LRFN5: variants seen among roughly 807,000 people sequenced by gnomAD.
The protein encoded by LRFN5 is leucine rich repeat and fibronectin type III domain containing 5, also known as leucine-rich repeat and fibronectin type-III domain-containing protein 5.
In LRFN5, 24 loss-of-function variants were observed where a neutral mutation model predicts 45.6. That is an observed-to-expected ratio of 0.53 (90% CI 0.38 to 0.74). The LOEUF (loss-of-function observed/expected upper bound fraction) is 0.74, where lower values mean the gene tolerates loss of function less well. Ranked by LOEUF, LRFN5 falls within the 30% of genes least tolerant of loss-of-function variation. LRFN5 has a pLI of 0.00. For missense variants in LRFN5, 776 were observed against 861.5 expected (o/e 0.90, Z 1.24); for synonymous variants, 340 against 313.8 (o/e 1.08, Z -0.88).
chr14:41,844,888 T>C (rs1449823502), intron 2 of LRFN5, among the ~76,000 whole-genome samples: 1 of 152,172 alleles, frequency 6.6e-6, no homozygotes, highest in Non-Finnish European at 1.5e-5. Flanking sequence ...ATATATCAGA[T>C]ATAATTAATT....
chr14:41,795,213 A>C (rs1887075884), intron 2 of LRFN5, among the ~76,000 whole-genome samples: 1 of 152,138 alleles, frequency 6.6e-6, no homozygotes, highest in Admixed American at 6.6e-5. Flanking sequence ...AATGCAAATC[A>C]AAACCACAAT....
At chr14:41,865,416 G>T (rs35015374) in intron 2 of LRFN5, among the ~76,000 whole-genome samples, 37,526 of 151,984 alleles carry the variant, frequency 0.25, 4,977 homozygotes, top group South Asian at 0.37. Context: ...TATTTTTATT[G>T]CCAAATAATA....
chr14:41,750,315 A>G (rs967143266), intron 1 of LRFN5, among the ~76,000 whole-genome samples: 9 of 148,860 alleles, frequency 6.0e-5, no homozygotes, highest in Admixed American at 1.3e-4. Flanking sequence ...TTATATGTAT[A>G]TAAGATTTCA....
intron 2 of LRFN5, among the ~76,000 whole-genome samples, chr14:41,853,239 C>T (rs1341454073): frequency 1.3e-4 from 19 of 151,862 alleles, no homozygotes; most frequent in Non-Finnish European, 2.2e-4. Flanking sequence ...ATATTTTATT[C>T]ATTAATTTAT....
At chr14:41,816,640 G>A (rs992116718) in intron 2 of LRFN5, among the ~76,000 whole-genome samples, 2 of 151,934 alleles carry the variant, frequency 1.3e-5, no homozygotes, top group African/African-American at 4.8e-5. Flanking sequence ...GAAGCTAAAT[G>A]TAATTTCTTA....
intron 2 of LRFN5, among the ~76,000 whole-genome samples, chr14:41,830,690 C>T (rs951633876): frequency 6.6e-6 from 1 of 152,042 alleles, no homozygotes; most frequent in Non-Finnish European, 1.5e-5. Flanking sequence ...ACCTGAGCTG[C>T]AGGGAAGCTG....
intron 1 of LRFN5, among the ~76,000 whole-genome samples, chr14:41,685,345 C>T (rs968689795): frequency 6.6e-6 from 1 of 152,032 alleles, no homozygotes; most frequent in Non-Finnish European, 1.5e-5. Flanking sequence ...GATACCTGTA[C>T]CCCCATATTT....
intron 1 of LRFN5, among the ~76,000 whole-genome samples, chr14:41,740,066 A>G (rs1284834298): frequency 6.6e-6 from 1 of 152,110 alleles, no homozygotes; most frequent in Non-Finnish European, 1.5e-5. Flanking sequence ...ACTTTCAAAA[A>G]TAAAAATAAA....
intron 1 of LRFN5, among the ~76,000 whole-genome samples, chr14:41,690,422 G>A (rs1882327477): frequency 6.6e-6 from 1 of 152,038 alleles, no homozygotes; most frequent in Non-Finnish European, 1.5e-5. Context: ...GCATGGTGGT[G>A]TGCACCTGTA....
At chr14:41,762,599 T>C (rs1566658562) in intron 1 of LRFN5, among the ~76,000 whole-genome samples, 1 of 152,144 alleles carries the variant, frequency 6.6e-6, no homozygotes, top group Admixed American at 6.5e-5. Context: ...TTTAACAAAC[T>C]CATTAATATG....
chr14:41,788,417 C>T (rs1332732088), intron 2 of LRFN5, among the ~76,000 whole-genome samples: 1 of 152,022 alleles, frequency 6.6e-6, no homozygotes, highest in Admixed American at 6.6e-5. Context: ...TGGATATTTA[C>T]TCCCAATTGT....
At chr14:41,715,338 T>A (rs1246908573) in intron 1 of LRFN5, among the ~76,000 whole-genome samples, 2 of 152,196 alleles carry the variant, frequency 1.3e-5, no homozygotes, top group Non-Finnish European at 2.9e-5. Flanking sequence ...TTTGATCCAA[T>A]AATGTGGAAT....
At chr14:41,715,298 C>T (rs564012087) in intron 1 of LRFN5, among the ~76,000 whole-genome samples, 4 of 152,194 alleles carry the variant, frequency 2.6e-5, no homozygotes, top group Admixed American at 1.3e-4. Context: ...TATATCCTTC[C>T]TTTGTATTGA....
At chr14:41,810,756 A>G (rs1887708390) in intron 2 of LRFN5, among the ~76,000 whole-genome samples, 1 of 152,110 alleles carries the variant, frequency 6.6e-6, no homozygotes, top group Non-Finnish European at 1.5e-5. Context: ...AAATAAAAAC[A>G]AAATTAAGAT....
At chr14:41,635,009 G>T (rs1419146642) in intron 1 of LRFN5, among the ~76,000 whole-genome samples, 2 of 151,772 alleles carry the variant, frequency 1.3e-5, no homozygotes, top group Non-Finnish European at 2.9e-5. Flanking sequence ...TCTAACTATA[G>T]AAGGCAATCT....
chr14:41,785,321 C>G (rs1374628758), intron 2 of LRFN5, among the ~76,000 whole-genome samples: 3 of 151,986 alleles, frequency 2.0e-5, no homozygotes, highest in Non-Finnish European at 2.9e-5. Context: ...TATTTGTCCC[C>G]TATATCTTTG....
At chr14:41,742,936 C>T (rs1015528280) in intron 1 of LRFN5, 1 of 155,380 alleles carries the variant, frequency 6.4e-6, no homozygotes, top group South Asian at 2.1e-4. Context: ...GCTATCCTAT[C>T]TTTGACATGG....
At chr14:41,701,360 G>T (rs987435465) in intron 1 of LRFN5, 1 of 151,970 alleles carries the variant, frequency 6.6e-6, no homozygotes, top group Non-Finnish European at 1.5e-5. Context: ...TATACCAATG[G>T]GGACCTAAGC....
intron 2 of LRFN5, among the ~76,000 whole-genome samples, chr14:41,819,000 G>A (rs1014398761): frequency 5.9e-5 from 9 of 152,110 alleles, no homozygotes; most frequent in African/African-American, 1.7e-4. Context: ...GTACTTGGCT[G>A]TGTTTTTGAG....
Sources: allele counts gnomAD v4.1 joint callset (sites outside exome capture counted in the v4.1 genomes callset), GRCh38; gene constraint gnomAD v4.1.1; transcripts MANE v1.5; gene names NCBI Gene and HGNC (gene_info 2026-07-23, HGNC 2026-07-21).